The following POU2F3 variants were observed in gnomAD, a reference collection of about 807,000 sequenced individuals.
The protein encoded by POU2F3 is POU class 2 homeobox 3, also known as POU domain, class 2, transcription factor 3.
A neutral mutation model predicts 59.2 loss-of-function variants in POU2F3; 23 were observed. That is an observed-to-expected ratio of 0.39 (90% CI 0.28 to 0.55). The LOEUF is 0.55. Ranked by LOEUF, POU2F3 falls within the 20% of genes least tolerant of loss-of-function variation. POU2F3 has a pLI of 0.66. For missense variants in POU2F3, 473 were observed against 544.5 expected, an observed-to-expected ratio of 0.87 and a Z score of 1.31; for synonymous variants, 190 against 214.6, an observed-to-expected ratio of 0.89 and a Z score of 1.00.
chr11:120,240,324 T>C lies in POU2F3; in HGVS notation c.-20T>C, dbSNP rs768793700. 1 of 1,377,054 alleles carries C rather than the reference T, an allele frequency of 7.3e-7. No individual in the cohort carries two copies. Among genetic ancestry groups the C allele is most frequent in the African/African-American group, 1.5e-5 (1 of 68,046 alleles). The allele number at this position is 1,377,054 out of a possible 1,614,324, so 85.3% of individuals were successfully genotyped here. ...CGAGGGGCCTGGGGGGGCGCTGGCT[T>C]TGGCCCCGCCTGGGGCAGGATGGTG... On this transcript the variant is annotated 5_prime_UTR_variant, in exon 1 of 13. Coordinates refer to ENST00000543440, the MANE Select transcript of POU2F3 (RefSeq NM_014352.4).
intron 1 of POU2F3, among the ~76,000 whole-genome samples, chr11:120,244,904 A>G (rs1418868577): frequency 9.2e-5 from 13 of 141,080 alleles, no homozygotes; most frequent in Non-Finnish European, 1.2e-4. Flanking sequence ...AGCAGGACGG[A>G]TTGAGGTTAG....
intron 5 of POU2F3, among the ~76,000 whole-genome samples, 185 bp downstream of exon 5, chr11:120,299,911 A>G (rs985432794): frequency 6.6e-6 from 1 of 152,212 alleles, no homozygotes; most frequent in Non-Finnish European, 1.5e-5. Flanking sequence ...CTCCAGGCTT[A>G]GTCTCCTTCT....
intron 2 of POU2F3, among the ~76,000 whole-genome samples, chr11:120,251,735 A>C (rs1939108524): frequency 7.1e-6 from 1 of 140,776 alleles, no homozygotes; most frequent in Non-Finnish European, 1.5e-5. Flanking sequence ...TTAGAGACTT[A>C]TTTTTTGTCT....
intron 3 of POU2F3, among the ~76,000 whole-genome samples, chr11:120,286,186 G>T (rs1940775251): frequency 6.6e-6 from 1 of 152,118 alleles, no homozygotes; most frequent in Non-Finnish European, 1.5e-5. Context: ...CACCTGGCTT[G>T]TTCTATTGTT....
intron 3 of POU2F3, among the ~76,000 whole-genome samples, chr11:120,271,433 C>T (rs1032632823): frequency 2.0e-5 from 3 of 152,226 alleles, no homozygotes; most frequent in Non-Finnish European, 4.4e-5. Context: ...TGATCCTGAT[C>T]CTAAACAGGT....
At chr11:120,245,486 G>A (rs987408605) in intron 1 of POU2F3, among the ~76,000 whole-genome samples, 2 of 152,084 alleles carry the variant, frequency 1.3e-5, no homozygotes, top group Admixed American at 6.6e-5. Flanking sequence ...AGAAGGGGGG[G>A]TGTGGGGGTC....
At chr11:120,305,320 T>G in intron 7 of POU2F3, 108 bp downstream of exon 7, 1 of 1,277,932 alleles carries the variant, frequency 7.8e-7, no homozygotes, top group East Asian at 2.5e-5. Context: ...GTTTGGGGTC[T>G]CCTCATCATG....
chr11:120,313,474 C>T (rs779070001), intron 10 of POU2F3, among the ~76,000 whole-genome samples: 4 of 152,202 alleles, frequency 2.6e-5, no homozygotes, highest in African/African-American at 4.8e-5. Context: ...AGAAAATTTT[C>T]TGATCCTATC....
chr11:120,248,936 T>C (rs575144841), intron 2 of POU2F3, among the ~76,000 whole-genome samples: 74 of 152,346 alleles, frequency 4.9e-4, no homozygotes, highest in African/African-American at 1.7e-3. Context: ...CTCTGGGTTT[T>C]AAAGGAACTA....
At chr11:120,236,907 C>G (rs1227380753), upstream of POU2F3, among the ~76,000 whole-genome samples, 1 of 152,186 alleles carries the variant, frequency 6.6e-6, no homozygotes, top group African/African-American at 2.4e-5. Context: ...CTCTGCTGAG[C>G]CATATGTTTG....
chr11:120,291,902 G>A (rs1007307213), intron 3 of POU2F3, among the ~76,000 whole-genome samples: 7 of 151,396 alleles, frequency 4.6e-5, no homozygotes, highest in East Asian at 1.9e-4. Flanking sequence ...TCCACCTCCC[G>A]GGTTCACACC....
chr11:120,246,443 C>G lies in POU2F3; in HGVS notation c.29-6C>G, dbSNP rs376773444. The G allele has an allele frequency of 3.2e-5, 52 of 1,613,636 alleles. No individual in the cohort carries two copies. Among genetic ancestry groups the G allele is most frequent in the Middle Eastern group, 3.3e-4 (2 of 6,084 alleles). ...GTTATTAAAATCAGTTGTGTTTTCC[C>G]TGCAGATATCAAGATGAGTGGGGAT... On this transcript the variant is annotated splice_polypyrimidine_tract_variant and splice_region_variant and intron_variant, in intron 1 of 12. Transcript: ENST00000543440.
At chr11:120,243,084 G>A (rs1260356869) in intron 1 of POU2F3, among the ~76,000 whole-genome samples, 1 of 152,164 alleles carries the variant, frequency 6.6e-6, no homozygotes, top group Non-Finnish European at 1.5e-5. Flanking sequence ...CTCAGGAATA[G>A]CATTTGGGTT....
chr11:120,296,932 C>A (rs557268295), intron 3 of POU2F3, among the ~76,000 whole-genome samples: 1 of 151,978 alleles, frequency 6.6e-6, no homozygotes, highest in Non-Finnish European at 1.5e-5. Context: ...CATTTTTTTC[C>A]GCAAGAATTA....
intron 1 of POU2F3, among the ~76,000 whole-genome samples, chr11:120,240,740 A>G (rs1241216867): frequency 1.3e-5 from 2 of 152,050 alleles, no homozygotes; most frequent in African/African-American, 4.8e-5. Context: ...GGGAGTGCAT[A>G]AGTGAGGGAA....
rs1490338184 is a variant in POU2F3 at position 120,302,572 on chromosome 11, G to A, written c.444+204G>A. On this transcript the variant is annotated intron_variant, in intron 6 of 12. Transcript: ENST00000543440. ...ACCAAGTGTCACTGGTGGGGCCACA[G>A]TTAGAATCCAGAGATTCCAGCTCCC... 7 of 544,890 alleles carry A rather than the reference G, an allele frequency of 1.3e-5. No individual in the cohort carries two copies. The East Asian group carries it at 2.2e-4, about 17-fold the overall frequency. The allele number at this position is 544,890 out of a possible 1,614,324, so 33.8% of individuals were successfully genotyped here.
intron 1 of POU2F3, 90 bp downstream of exon 1, chr11:120,240,461 G>T (rs1461544376): frequency 7.9e-7 from 1 of 1,269,402 alleles, no homozygotes; most frequent in Non-Finnish European, 1.0e-6. Context: ...AGGGAGGGGG[G>T]CTTGTTTCCC....
At chr11:120,242,056 G>A (rs904078436) in intron 1 of POU2F3, among the ~76,000 whole-genome samples, 8 of 152,252 alleles carry the variant, frequency 5.3e-5, no homozygotes, top group Non-Finnish European at 7.4e-5. Context: ...TCCTCAGGGC[G>A]GGATCTCCAT....
At chr11:120,241,752 C>T (rs146578035) in intron 1 of POU2F3, among the ~76,000 whole-genome samples, 8 of 152,244 alleles carry the variant, frequency 5.3e-5, no homozygotes, top group African/African-American at 1.9e-4. Flanking sequence ...TCACAGACTT[C>T]CTGGGGGTTT....
Sources: allele counts gnomAD v4.1 joint callset (sites outside exome capture counted in the v4.1 genomes callset), GRCh38; gene constraint gnomAD v4.1.1; transcripts MANE v1.5; gene names NCBI Gene and HGNC (gene_info 2026-07-23, HGNC 2026-07-21).